The following TCL1A variants were observed in gnomAD, a reference collection of about 807,000 sequenced individuals.
TCL1A encodes T-cell leukemia/lymphoma protein 1A.
TCL1A carries 9 observed loss-of-function variants against 16.9 expected under a neutral mutation model. That is an observed-to-expected ratio of 0.53 (90% CI 0.32 to 0.93). The LOEUF is 0.93. Among genes scored for constraint, TCL1A ranks in the 40% least tolerant of loss-of-function variants. The probability of loss-of-function intolerance (pLI) is 0.04; values close to 1 mark genes in which losing one functional copy is unlikely to be tolerated. For synonymous variants in TCL1A, 69 were observed against 63.2 expected (o/e 1.09, Z -0.44); for missense variants, 139 against 153.0 (o/e 0.91, Z 0.48).
chr14:95,711,525 T>C (rs1008469140), intron 3 of TCL1A: 85 of 535,850 alleles, frequency 1.6e-4, no homozygotes, highest in African/African-American at 1.3e-3. Flanking sequence ...TGAAGTACTT[T>C]ATAGATATGA....
chr14:95,711,268 G>T (rs2139719543), intron 3 of TCL1A, among the ~76,000 whole-genome samples: 1 of 146,902 alleles, frequency 6.8e-6, no homozygotes, highest in South Asian at 2.2e-4. Flanking sequence ...GACCATCCTG[G>T]CTAACACGGT....
At chr14:95,713,722 T>C (rs1886461891) in intron 1 of TCL1A, among the ~76,000 whole-genome samples, 1 of 152,318 alleles carries the variant, frequency 6.6e-6, no homozygotes. Context: ...CCACAGGCAC[T>C]GGGTCCACCC....
In TCL1A at chr14:95,710,335, C is replaced by G. The variant is rs1038398431; in HGVS notation, c.*553G>C. On this transcript the variant is annotated 3_prime_UTR_variant, in exon 4 of 4. Transcript: ENST00000402399. ...GGCCTTTCCTTGAGCTGCACGTGAA[C>G]CTGTGTGGGCAGGCAGCGTTTGCAG... 3 of 150,922 alleles carry G rather than the reference C, an allele frequency of 2.0e-5. No individual in the cohort carries two copies. The highest frequency in any genetic ancestry group is 7.7e-5 in the African/African-American group (3 of 38,824). The allele number at this position is 150,922 out of a possible 1,614,324, so 9.3% of individuals were successfully genotyped here.
intron 1 of TCL1A, 53 bp downstream of exon 1, chr14:95,713,894 G>A (rs572379561): frequency 6.9e-6 from 11 of 1,603,572 alleles, no homozygotes; most frequent in Admixed American, 3.3e-5. Context: ...GGCATCCCAA[G>A]CTCCCAGGGG....
chr14:95,713,413 TA>T (rs1886432751), intron 1 of TCL1A, among the ~76,000 whole-genome samples: 1 of 152,274 alleles, frequency 6.6e-6, no homozygotes, highest in Admixed American at 6.5e-5. Flanking sequence ...CATCACACAT[TA>T]AAAAAGTCAA....
rs1282329732 is a variant in TCL1A, at chr14:95,713,982, C to T, written c.85G>A (p.Glu29Lys). 6.2e-7 allele frequency: 1 copy of T among 1,614,102 alleles called. No homozygotes were observed. The highest frequency in any genetic ancestry group is 8.5e-7 in the Non-Finnish European group (1 of 1,180,044). The change falls in exon 1 of 4, where the codon GAG becomes AAG. Residue 29 changes from glutamate (E) to lysine (K), a missense_variant. By Grantham distance (56) the Glu-to-Lys change is moderately conservative. Around this residue, in one of 2 missense-constraint regions of TCL1A, gnomAD observed 94 missense variants for 80.2 expected, o/e 1.17. Coordinates refer to ENST00000402399, the MANE Select transcript of TCL1A (RefSeq NM_021966.3). ...AAGGGCAGCCAGGCGTGCTGCTTCT[C>T]GTCCAAATACACGAACTTCTCCCAG... is the stretch of plus-strand genomic sequence containing the variant. ...WAWEKFVYLD[E>K]KQHAWLPLTI...
At chr14:95,713,660 A>G (rs757974541) in intron 1 of TCL1A, among the ~76,000 whole-genome samples, 2 of 152,318 alleles carry the variant, frequency 1.3e-5, no homozygotes, top group African/African-American at 2.4e-5. Context: ...TTTAAGGATT[A>G]GGACCCCGAA....
At position 95,712,296 on chromosome 14, in the gene TCL1A, A is replaced by C. The variant is rs1485731765; in HGVS notation, c.221T>G (p.Ile74Ser). Residue 74 changes from isoleucine (I) to serine (S), a missense_variant, in exon 2 of 4, where the codon ATC becomes AGC. Physicochemically the swap from Ile to Ser is moderately radical, Grantham distance 142. Around this residue, in one of 2 missense-constraint regions of TCL1A, gnomAD observed 45 missense variants for 72.8 expected, o/e 0.62. Transcript: ENST00000402399. Reference protein sequence around the residue: ...PTQIGPSLLPIMWQLYPDGRY... With the variant: ...PTQIGPSLLPSMWQLYPDGRY... ...TCCATCAGGGTAGAGCTGCCACATG[A>C]TAGGCAGCAGGCTTGGGCCTATCTG... The C allele has an allele frequency of 6.2e-7, 1 of 1,614,104 alleles. No homozygotes were observed. The highest frequency in any genetic ancestry group is 8.5e-7 in the Non-Finnish European group (1 of 1,180,006).
chr14:95,712,076 C>G (rs1886370867), intron 2 of TCL1A, 144 bp downstream of exon 2: 3 of 1,104,492 alleles, frequency 2.7e-6, no homozygotes, highest in Non-Finnish European at 2.7e-6. Context: ...CTGGTAAAGT[C>G]CTTTAGAAAT....
At chr14:95,712,664 G>C (rs1886392474) in intron 1 of TCL1A, 1 of 1,414,398 alleles carries the variant, frequency 7.1e-7, no homozygotes. Flanking sequence ...TTTTCTGGCG[G>C]GTTGCAGCGG....
In TCL1A at chr14:95,712,511, G is replaced by C. The variant is rs895839262; in HGVS notation, c.121-115C>G. 10 of 1,499,270 alleles carry C rather than the reference G, an allele frequency of 6.7e-6. No individual in the cohort carries two copies. The African/African-American group carries it at 9.7e-5, about 14-fold the overall frequency. 92.9% of individuals were successfully genotyped at this position (1,499,270 alleles called of 1,614,324 possible). On this transcript the variant is annotated intron_variant, in intron 1 of 3. Coordinates refer to ENST00000402399, the MANE Select transcript of TCL1A (RefSeq NM_021966.3). ...CATCCACCCATCTGGGCAGGGGTCCGAGTGTGAAATGATGGTCATCACTGT... is the reference window on the plus strand; with the variant it reads ...CATCCACCCATCTGGGCAGGGGTCCCAGTGTGAAATGATGGTCATCACTGT...
intron 3 of TCL1A, 105 bp downstream of exon 3, chr14:95,711,644 C>G: frequency 7.5e-7 from 1 of 1,325,698 alleles, no homozygotes; most frequent in Non-Finnish European, 1.0e-6. Context: ...CCTCAGATGG[C>G]AGCAGTCGGG....
chr14:95,713,471 T>C (rs2139722817), intron 1 of TCL1A, among the ~76,000 whole-genome samples: 1 of 152,294 alleles, frequency 6.6e-6, no homozygotes, highest in African/African-American at 2.4e-5. Context: ...CTTGTTAAAT[T>C]TGTTTTCTAA....
intron 1 of TCL1A, among the ~76,000 whole-genome samples, chr14:95,712,944 TGAA>T (rs1246730779): frequency 2.6e-5 from 4 of 152,206 alleles, no homozygotes; most frequent in East Asian, 3.8e-4. Context: ...GGTGTCACGT[TGAA>T]GAAGAGATTT....
rs774868084 is a variant in TCL1A at position 95,713,973 on chromosome 14, G to A, written c.94C>T (p.His32Tyr). ...TCGATGGTTAAGGGCAGCCAGGCGT[G>A]CTGCTTCTCGTCCAAATACACGAAC... is the stretch of plus-strand genomic sequence containing the variant. Reference protein sequence around the residue: ...EKFVYLDEKQHAWLPLTIEIK... With the variant: ...EKFVYLDEKQYAWLPLTIEIK... The change falls in exon 1 of 4, where the codon CAC becomes TAC. Residue 32 changes from histidine to tyrosine, a missense_variant. This residue lies in a region of TCL1A where 94 missense variants were observed against 80.2 expected (regional missense o/e 1.17). Transcript: ENST00000402399. 3 of 1,613,936 alleles carry A rather than the reference G, an allele frequency of 1.9e-6. No individual in the cohort carries two copies. Among genetic ancestry groups the A allele is most frequent in the Admixed American group, 1.7e-5 (1 of 60,014 alleles).
intron 3 of TCL1A, among the ~76,000 whole-genome samples, chr14:95,711,296 A>T (rs1595065363): frequency 9.3e-6 from 1 of 107,780 alleles, no homozygotes; most frequent in Non-Finnish European, 1.8e-5. Flanking sequence ...CGTCTCTACT[A>T]AAAAAAAAAA....
chr14:95,712,197 AC>A, intron 2 of TCL1A, 22 bp downstream of exon 2: 1 of 1,613,926 alleles, frequency 6.2e-7, no homozygotes, highest in Non-Finnish European at 8.5e-7. Flanking sequence ...CACCCGATGG[AC>A]CTCTGGGAGA....
chr14:95,714,104 C>G lies in TCL1A; in HGVS notation c.-38G>C. On this transcript the variant is annotated 5_prime_UTR_variant, in exon 1 of 4. Transcript: ENST00000402399. Reference sequence around the variant, plus strand: ...CCGCCTAAGAAGCAAGAGCCAGAGCCTCTCAAGGCCGCTCGCTGGTCCCTG... The same window carrying G: ...CCGCCTAAGAAGCAAGAGCCAGAGCGTCTCAAGGCCGCTCGCTGGTCCCTG... 6.2e-7 allele frequency: 1 copy of G among 1,608,070 alleles called. No homozygotes were observed. The highest frequency in any genetic ancestry group is 8.5e-7 in the Non-Finnish European group (1 of 1,178,098).
chr14:95,711,430 C>G (rs1358718340), intron 3 of TCL1A: 1 of 219,790 alleles, frequency 4.5e-6, no homozygotes. Context: ...GATTGCACCA[C>G]TACACTCTAG....
Sources: allele counts gnomAD v4.1 joint callset (sites outside exome capture counted in the v4.1 genomes callset), GRCh38; gene constraint gnomAD v4.1.1; regional missense constraint gnomAD v4.1.1; transcripts MANE v1.5; gene names NCBI Gene and HGNC (gene_info 2026-07-23, HGNC 2026-07-21).